PRDM16: variants seen among roughly 807,000 people sequenced by gnomAD.
PRDM16 encodes the protein PR/SET domain 16, also known as histone-lysine N-methyltransferase PRDM16.
PRDM16 carries 23 observed loss-of-function variants against 110.6 expected under a neutral mutation model. That is an observed-to-expected ratio of 0.21 (90% CI 0.15 to 0.29). The LOEUF is 0.29. PRDM16 is among the 10% of genes least tolerant of loss of function. PRDM16 has a pLI of 1.00. For synonymous variants in PRDM16, 799 were observed against 781.8 expected, an observed-to-expected ratio of 1.02 and a Z score of -0.37; for missense variants, 1,615 against 1,794.3, an observed-to-expected ratio of 0.90 and a Z score of 1.81.
intron 3 of PRDM16, among the ~76,000 whole-genome samples, chr1:3,356,389 G>A (rs1255262473): frequency 6.6e-6 from 1 of 152,208 alleles, no homozygotes; most frequent in African/African-American, 2.4e-5. Flanking sequence ...TCAGGCGGAG[G>A]GAGGTCCGAC....
intron 3 of PRDM16, among the ~76,000 whole-genome samples, chr1:3,325,635 C>A (rs138650460): frequency 9.1e-4 from 138 of 152,334 alleles, no homozygotes; most frequent in African/African-American, 3.0e-3. Context: ...TTCTACAGAC[C>A]CGAAGCCTGA....
At chr1:3,144,620 G>A (rs965462570) in intron 1 of PRDM16, among the ~76,000 whole-genome samples, 6 of 152,180 alleles carry the variant, frequency 3.9e-5, no homozygotes, top group African/African-American at 9.7e-5. Context: ...AGCACCCTGC[G>A]AGATGGTGCT....
chr1:3,278,619 G>T (rs1353153410), intron 3 of PRDM16, among the ~76,000 whole-genome samples: 3 of 152,188 alleles, frequency 2.0e-5, no homozygotes, highest in Non-Finnish European at 4.4e-5. Flanking sequence ...GCCCGGCGGG[G>T]CCTGCAGTCA....
At chr1:3,336,670 TCA>T (rs1348810946) in intron 3 of PRDM16, among the ~76,000 whole-genome samples, 3 of 120,472 alleles carry the variant, frequency 2.5e-5, no homozygotes, top group East Asian at 7.0e-4. Context: ...GTGTGCACAT[TCA>T]CACACATATG....
Position 3,318,574 on chromosome 1 carries a change from CGATT to C in PRDM16, c.439-66574_439-66571del, listed in dbSNP as rs200708601. Among the ~76,000 whole-genome samples the C allele has an allele frequency of 9.8e-3, 1,495 of 152,242 alleles. 36 individuals are homozygous for C. The highest frequency in any genetic ancestry group is 0.034 in the African/African-American group (1,421 of 41,538). On this transcript the variant is annotated intron_variant, in intron 3 of 16. Transcript: ENST00000270722. ...AGCTATCTATTGATCATCTATCAGT[CGATT>C]GATCATCTATCACTCATCTGTCTAT...
chr1:3,142,238 T>C (rs1372573810), intron 1 of PRDM16, among the ~76,000 whole-genome samples: 1 of 152,272 alleles, frequency 6.6e-6, no homozygotes, highest in Non-Finnish European at 1.5e-5. Flanking sequence ...CCAAGACCTT[T>C]TGATTTCTAG....
chr1:3,268,161 G>A (rs1640340480), intron 3 of PRDM16, among the ~76,000 whole-genome samples: 1 of 152,210 alleles, frequency 6.6e-6, no homozygotes, highest in African/African-American at 2.4e-5. Context: ...CTGGTCTCAG[G>A]AGAAGGGCCC....
intron 1 of PRDM16, among the ~76,000 whole-genome samples, chr1:3,118,053 G>A (rs544705927): frequency 7.4e-4 from 113 of 152,054 alleles, no homozygotes; most frequent in Non-Finnish European, 1.3e-3. Flanking sequence ...TGCTCATGCT[G>A]TGTGTGTACA....
chr1:3,276,244 G>A (rs1640579418), intron 3 of PRDM16, among the ~76,000 whole-genome samples: 1 of 152,216 alleles, frequency 6.6e-6, no homozygotes, highest in African/African-American at 2.4e-5. Context: ...GATTCATCCT[G>A]CCCTGGGCAG....
At chr1:3,394,824 A>T (rs1343767791) in intron 4 of PRDM16, among the ~76,000 whole-genome samples, 1 of 149,642 alleles carries the variant, frequency 6.7e-6, no homozygotes, top group African/African-American at 2.5e-5. Context: ...TTTAAAAAAG[A>T]GACAATGATT....
rs1017131968 is a variant in PRDM16 at position 3,290,054 on chromosome 1, T to C, written c.438+45917T>C. Among the ~76,000 whole-genome samples the C allele has an allele frequency of 1.3e-5, 2 of 152,168 alleles. No individual in the cohort carries two copies. Among genetic ancestry groups the C allele is most frequent in the African/African-American group, 4.8e-5 (2 of 41,440 alleles). The stretch of plus-strand genomic sequence containing the variant: ...GTGCCTCCCCTGGTGGAGCGGTTTC[T>C]GGCTTTAAAAGTGTGCTCGTGAGCG... On this transcript the variant is annotated intron_variant, in intron 3 of 16. Coordinates refer to ENST00000270722, the MANE Select transcript of PRDM16 (RefSeq NM_022114.4). The surrounding 1 kb of genome is among the most constrained non-coding windows in gnomAD (Gnocchi z 4.8).
In PRDM16 at chr1:3,223,103, C is replaced by CTTTTTTTT. The variant is rs1172383270; in HGVS notation, c.388-20966_388-20959dup. Among the ~76,000 whole-genome samples the CTTTTTTTT allele has an allele frequency of 2.8e-4, 21 of 73,998 alleles. 2 individuals are homozygous for CTTTTTTTT. Among genetic ancestry groups the CTTTTTTTT allele is most frequent in the African/African-American group, 1.3e-3 (18 of 14,050 alleles). 48.5% of individuals were successfully genotyped at this position (73,998 alleles called of 152,430 possible). A position where few individuals can be genotyped will look rare whatever the true frequency, so the allele number is the denominator to read the frequency against. ...GCCTCCGCCGTGGCCAAAATCAAGG[C>CTTTTTTTT]TTTTTTTTTTTTTTTTTTTTTTTTT... On this transcript the variant is annotated intron_variant, in intron 2 of 16. Transcript: ENST00000270722.
At chr1:3,294,317 C>A (rs976590206) in intron 3 of PRDM16, among the ~76,000 whole-genome samples, 2 of 152,116 alleles carry the variant, frequency 1.3e-5, no homozygotes, top group Non-Finnish European at 2.9e-5. Context: ...CCGGACTTCT[C>A]CCCAGGGAGA....
intron 3 of PRDM16, among the ~76,000 whole-genome samples, chr1:3,303,389 C>T (rs966089736): frequency 9.2e-5 from 14 of 152,158 alleles, no homozygotes; most frequent in Non-Finnish European, 1.6e-4. Flanking sequence ...ACGGTGAACA[C>T]GCGTCAGTCT....
intron 4 of PRDM16, among the ~76,000 whole-genome samples, chr1:3,391,027 G>T (rs1643291770): frequency 6.6e-6 from 1 of 152,042 alleles, no homozygotes; most frequent in African/African-American, 2.4e-5. Context: ...GTAGAGACAG[G>T]GTTTCACCAT....
chr1:3,402,324 G>T (rs1643485933), intron 5 of PRDM16, among the ~76,000 whole-genome samples: 1 of 152,250 alleles, frequency 6.6e-6, no homozygotes, highest in South Asian at 2.1e-4. Context: ...AGGCAGTCAG[G>T]ATGCTGCCTC....
At position 3,246,436 on chromosome 1, in the gene PRDM16, G is replaced by T. The variant is rs542668680; in HGVS notation, c.438+2299G>T. ...GCACGAGACCCCCCACGGCACCGCC[G>T]CGACTGCAGGGAGCTCAGCGCAGGG... is the stretch of plus-strand genomic sequence containing the variant. On this transcript the variant is annotated intron_variant, in intron 3 of 16. Transcript: ENST00000270722. The surrounding 1 kb of genome is among the most constrained non-coding windows in gnomAD (Gnocchi z 5.2). 7.9e-5 allele frequency among the ~76,000 whole-genome samples: 12 copies of T among 152,326 alleles called. No homozygotes were observed. Among genetic ancestry groups the T allele is most frequent in the African/African-American group, 2.9e-4 (12 of 41,570 alleles).
At chr1:3,386,642 G>C (rs1290007364) in intron 4 of PRDM16, 1 of 152,190 alleles carries the variant, frequency 6.6e-6, no homozygotes, top group Admixed American at 6.5e-5. Context: ...AAACATAAGA[G>C]CAGAACTTAA....
chr1:3,314,072 G>GGGGGGGC (rs200867925), intron 3 of PRDM16, among the ~76,000 whole-genome samples: 17 of 110,124 alleles, frequency 1.5e-4, no homozygotes, highest in Non-Finnish European at 2.4e-4. Flanking sequence ...CTTCCCCACC[G>GGGGGGGC]GGGGGGGGGG....
Sources: allele counts gnomAD v4.1 joint callset (sites outside exome capture counted in the v4.1 genomes callset), GRCh38; gene constraint gnomAD v4.1.1; non-coding constraint Gnocchi (gnomAD v3.1); transcripts MANE v1.5; gene names NCBI Gene and HGNC (gene_info 2026-07-23, HGNC 2026-07-21).